MAGI2: variants seen among roughly 807,000 people sequenced by gnomAD.
MAGI2 encodes the protein membrane-associated guanylate kinase, WW and PDZ domain-containing protein 2.
In MAGI2, 35 loss-of-function variants were observed where a neutral mutation model predicts 133.3. The ratio of observed to expected loss-of-function variants is 0.26; its 90% CI spans 0.20 to 0.35. The LOEUF (loss-of-function observed/expected upper bound fraction) is 0.35. Among genes scored for constraint, MAGI2 ranks in the 10% least tolerant of loss-of-function variants. MAGI2 has a pLI of 1.00. For missense variants in MAGI2, 1,636 were observed against 1,863.4 expected (o/e 0.88, Z 2.25); for synonymous variants, 729 against 710.6 (o/e 1.03, Z -0.41).
chr7:79,067,685 T>C (rs2117125238), intron 1 of MAGI2, among the ~76,000 whole-genome samples: 1 of 152,326 alleles, frequency 6.6e-6, no homozygotes, highest in East Asian at 1.9e-4. Context: ...CTTGTACCAG[T>C]TTTCAAAGGG....
intron 6 of MAGI2, among the ~76,000 whole-genome samples, chr7:78,416,413 CTTAAT>C (rs1301217232): frequency 4.1e-5 from 6 of 146,632 alleles, no homozygotes; most frequent in African/African-American, 1.5e-4. Context: ...AATATTGAAA[CTTAAT>C]TTAATAAAAT....
At chr7:78,667,394 T>G (rs1338269037) in intron 2 of MAGI2, among the ~76,000 whole-genome samples, 5 of 151,572 alleles carry the variant, frequency 3.3e-5, no homozygotes, top group Non-Finnish European at 5.9e-5. Context: ...TTTAAAAAAT[T>G]TTATTATTAT....
intron 20 of MAGI2, among the ~76,000 whole-genome samples, chr7:78,089,258 T>A (rs185373200): frequency 6.6e-6 from 1 of 152,238 alleles, no homozygotes; most frequent in African/African-American, 2.4e-5. Context: ...GATCTCCTGC[T>A]GATGCTTCTC....
At chr7:78,584,727 G>A (rs1324739003) in intron 3 of MAGI2, among the ~76,000 whole-genome samples, 2 of 152,154 alleles carry the variant, frequency 1.3e-5, no homozygotes, top group African/African-American at 2.4e-5. Flanking sequence ...AGCTTGGGAG[G>A]TATGGCAGGA....
intron 21 of MAGI2, among the ~76,000 whole-genome samples, chr7:78,061,924 G>A (rs931509706): frequency 5.3e-5 from 8 of 152,168 alleles, no homozygotes; most frequent in Non-Finnish European, 8.8e-5. Flanking sequence ...CTTCGTCATT[G>A]GAGTCTTGAT....
At chr7:78,588,470 A>T (rs1299701550) in intron 3 of MAGI2, among the ~76,000 whole-genome samples, 2 of 152,180 alleles carry the variant, frequency 1.3e-5, no homozygotes, top group African/African-American at 2.4e-5. Flanking sequence ...GAGGCAGATA[A>T]CATATGTGCA....
chr7:78,751,493 G>T (rs1432943148), intron 2 of MAGI2, among the ~76,000 whole-genome samples: 2 of 152,178 alleles, frequency 1.3e-5, no homozygotes, highest in East Asian at 1.9e-4. Context: ...TCCAAATTTA[G>T]ATTACTTTAT....
At chr7:78,686,520 T>C (rs182974682) in intron 2 of MAGI2, among the ~76,000 whole-genome samples, 35 of 135,940 alleles carry the variant, frequency 2.6e-4, no homozygotes, top group Admixed American at 2.5e-3. Context: ...CTTCTCCCCA[T>C]CCCAAGTTAT....
intron 1 of MAGI2, among the ~76,000 whole-genome samples, chr7:79,427,574 A>G (rs975571635): frequency 6.6e-5 from 10 of 152,128 alleles, no homozygotes; most frequent in Non-Finnish European, 1.3e-4. Context: ...AACTCAGACA[A>G]TATTCTTGGT....
rs112109489 is a variant in MAGI2, at chr7:78,368,100, T to C, written c.1103+1056A>G. 7.0e-3 allele frequency among the ~76,000 whole-genome samples: 1,073 copies of C among 152,236 alleles called. 12 individuals are homozygous for C. The highest frequency in any genetic ancestry group is 0.024 in the African/African-American group (1,004 of 41,546). On this transcript the variant is annotated intron_variant, in intron 7 of 21. Transcript: ENST00000354212. ...GAGCCAAAATTGGGGCTTTTCCAAA[T>C]GAAAATGATGGGTGAATGTAGTTAA...
At chr7:79,142,926 C>T (rs972857586) in intron 1 of MAGI2, among the ~76,000 whole-genome samples, 1 of 152,178 alleles carries the variant, frequency 6.6e-6, no homozygotes, top group South Asian at 2.1e-4. Context: ...TGACAAGTGA[C>T]ACATGTCATC....
At chr7:78,487,511 G>A (rs975421) in intron 6 of MAGI2, 59,735 of 151,884 alleles carry the variant, frequency 0.39, 12,752 homozygotes, top group East Asian at 0.68. Context: ...CTTTTGCACA[G>A]TGAGCGCAAA....
intron 3 of MAGI2, among the ~76,000 whole-genome samples, chr7:78,556,947 T>C (rs145460365): frequency 0.017 from 2,557 of 150,868 alleles, 41 homozygotes; most frequent in African/African-American, 0.049. Flanking sequence ...AAAAATTAGC[T>C]GGGCATGGTG....
chr7:78,476,380 G>A (rs1791753621), intron 6 of MAGI2, among the ~76,000 whole-genome samples: 1 of 151,810 alleles, frequency 6.6e-6, no homozygotes, highest in Admixed American at 6.6e-5. Flanking sequence ...AGATAATGCG[G>A]GAGAAAGTAA....
rs572572894 is a variant in MAGI2, at chr7:78,103,276, A to G, written c.3567+22418T>C. Among the ~76,000 whole-genome samples the G allele has an allele frequency of 3.9e-5, 6 of 152,304 alleles. No individual in the cohort carries two copies. In the South Asian group the frequency reaches 1.2e-3, roughly 32 times the overall value. On this transcript the variant is annotated intron_variant, in intron 20 of 21. Transcript: ENST00000354212. ...CATTTACTTCTCAGATCACATTTTA[A>G]TTTTTGGTTTTGAAAATATGGTTGT...
intron 9 of MAGI2, among the ~76,000 whole-genome samples, chr7:78,311,955 G>C (rs545794265): frequency 2.0e-5 from 3 of 152,084 alleles, no homozygotes; most frequent in Admixed American, 6.5e-5. Flanking sequence ...ATTTTTAGTA[G>C]AGACGGGGTT....
intron 5 of MAGI2, among the ~76,000 whole-genome samples, chr7:78,498,450 T>C (rs1794327562): frequency 6.6e-6 from 1 of 152,120 alleles, no homozygotes. Context: ...TTCTCACAGA[T>C]CAATGACAAT....
intron 2 of MAGI2, among the ~76,000 whole-genome samples, chr7:78,962,065 G>T (rs1802895889): frequency 6.6e-6 from 1 of 151,998 alleles, no homozygotes; most frequent in African/African-American, 2.4e-5. Flanking sequence ...TATATTATGA[G>T]ACTATCATAA....
chr7:78,290,100 A>G (rs543989400), intron 9 of MAGI2, among the ~76,000 whole-genome samples: 2 of 152,334 alleles, frequency 1.3e-5, no homozygotes, highest in Admixed American at 1.3e-4. Flanking sequence ...ATTCACACAT[A>G]ACAATATTAA....
Sources: gnomAD v4.1 joint callset for allele counts (sites outside exome capture counted in the v4.1 genomes callset) on GRCh38, gnomAD v4.1.1 for gene constraint, MANE v1.5 for transcripts, NCBI Gene and HGNC (gene_info 2026-07-23, HGNC 2026-07-21) for gene names.